TRAF5: variants seen among roughly 807,000 people sequenced by gnomAD.
TRAF5 encodes TNF receptor associated factor 5.
TRAF5 carries 48 observed loss-of-function variants against 64.5 expected under a neutral mutation model. The observed-to-expected ratio is 0.74, with a 90% confidence interval of 0.59 to 0.95. The LOEUF is 0.95. Ranked by LOEUF, TRAF5 falls within the 40% of genes least tolerant of loss-of-function variation. The pLI is 0.00. For missense variants in TRAF5, 545 were observed against 662.8 expected (o/e 0.82, Z 1.95); for synonymous variants, 206 against 240.5 (o/e 0.86, Z 1.33).
At chr1:211,341,138 G>GGTA (rs566076391) in intron 1 of TRAF5, among the ~76,000 whole-genome samples, 248 of 152,308 alleles carry the variant, frequency 1.6e-3, no homozygotes, top group Middle Eastern at 3.4e-3. Flanking sequence ...GGTGGCAGTA[G>GGTA]GTAGCCTTTC....
At chr1:211,363,108 T>C (rs563845016) in intron 7 of TRAF5, among the ~76,000 whole-genome samples, 1 of 152,158 alleles carries the variant, frequency 6.6e-6, no homozygotes, top group Non-Finnish European at 1.5e-5. Flanking sequence ...TCTTATGATA[T>C]CTCACTTTTT....
chr1:211,353,472 C>T lies in TRAF5; in HGVS notation c.218+15C>T, dbSNP rs371845850. Reference sequence around the variant, plus strand: ...CTGTCCCTGAGGTGAGTGGGCAGGGCCTGCAACTCTGGCCATGGCAGTCCT... The same window carrying T: ...CTGTCCCTGAGGTGAGTGGGCAGGGTCTGCAACTCTGGCCATGGCAGTCCT... On this transcript the variant is annotated intron_variant, in intron 2 of 10. Transcript: ENST00000261464. 25 of 1,606,066 alleles carry T rather than the reference C, an allele frequency of 1.6e-5. 1 individual carries two copies. Among genetic ancestry groups the T allele is most frequent in the South Asian group, 7.7e-5 (7 of 90,506 alleles).
At chr1:211,331,408 T>C (rs759067783) in intron 1 of TRAF5, among the ~76,000 whole-genome samples, 1 of 152,202 alleles carries the variant, frequency 6.6e-6, no homozygotes, top group Non-Finnish European at 1.5e-5. Context: ...CCAACTTCCA[T>C]AGTGTCTGTA....
At chr1:211,360,465 A>G (rs1306950483) in intron 5 of TRAF5, 6 of 513,182 alleles carry the variant, frequency 1.2e-5, no homozygotes, top group East Asian at 9.6e-5. Flanking sequence ...TCCCCAATCT[A>G]CCTTCTTTGA....
At chr1:211,352,442 A>C (rs1441756595) in intron 1 of TRAF5, among the ~76,000 whole-genome samples, 1 of 72,646 alleles carries the variant, frequency 1.4e-5, no homozygotes, top group Admixed American at 1.1e-4. Context: ...CACTGTCTCT[A>C]AAAAAAAAAA....
At chr1:211,366,969 GTTTGTTTGTT>G (rs1703374294) in intron 8 of TRAF5, among the ~76,000 whole-genome samples, 1 of 135,876 alleles carries the variant, frequency 7.4e-6, no homozygotes, top group Non-Finnish European at 1.6e-5. Flanking sequence ...TCAGCTAATT[GTTTGTTTGTT>G]TGTTTGTTTG....
chr1:211,356,335 A>C lies in TRAF5; in HGVS notation c.277-32A>C, dbSNP rs375824836. ...AATTCACATTGCTGTAAAACTTTGA[A>C]GTGTGTGAGACCTATTATGTTTATC... On this transcript the variant is annotated intron_variant, in intron 3 of 10. Transcript: ENST00000261464. 2.0e-5 allele frequency: 31 copies of C among 1,572,658 alleles called. No homozygotes were observed. The African/African-American group carries it at 4.2e-4, about 21-fold the overall frequency.
At chr1:211,339,313 G>T (rs1261019745) in intron 1 of TRAF5, among the ~76,000 whole-genome samples, 3 of 152,172 alleles carry the variant, frequency 2.0e-5, no homozygotes, top group Non-Finnish European at 4.4e-5. Flanking sequence ...TCATTATCTT[G>T]AGAAACCAAA....
intron 5 of TRAF5, 124 bp from the exon 6 acceptor site, chr1:211,360,574 TGGAA>T (rs1703142149): frequency 4.6e-6 from 3 of 654,850 alleles, no homozygotes; most frequent in African/African-American, 1.8e-5. Flanking sequence ...AATCCTTTTT[TGGAA>T]TTAGGCAATA....
At chr1:211,365,562 A>G (rs1703325714) in intron 8 of TRAF5, 94 bp downstream of exon 8, 7 of 989,348 alleles carry the variant, frequency 7.1e-6, no homozygotes, top group Non-Finnish European at 1.0e-5. Flanking sequence ...CCCCTGTTTC[A>G]GTATAAGTCA....
Position 211,350,390 on chromosome 1 carries a change from GAACAAAAACAAA to G in TRAF5, c.-1-2827_-1-2816del, listed in dbSNP as rs10536055. 1.9e-3 allele frequency among the ~76,000 whole-genome samples: 284 copies of G among 148,634 alleles called. 3 individuals are homozygous for G. The South Asian group carries it at 0.02, about 10-fold the overall frequency. Reference sequence around the variant, plus strand: ...TGGCATAGAGTGTGGTGTATTAGAAGAACAAAAACAAAAACAAAAACAAAAACAAAAACCCTG... The same window carrying G: ...TGGCATAGAGTGTGGTGTATTAGAAGAACAAAAACAAAAACAAAAACCCTG... On this transcript the variant is annotated intron_variant, in intron 1 of 10. Transcript: ENST00000261464.
chr1:211,359,943 TGC>T lies in TRAF5; in HGVS notation c.411_412del (p.Gln138ValfsTer3), dbSNP rs775379538. 6.2e-7 allele frequency: 1 copy of T among 1,614,048 alleles called. No homozygotes were observed. Among genetic ancestry groups the T allele is most frequent in the Middle Eastern group, 1.7e-4 (1 of 6,058 alleles). On this transcript the variant is annotated frameshift_variant, in exon 5 of 11. Transcript: ENST00000261464. LOFTEE classifies it high-confidence loss of function. ...CTTCAGCAGTGCTTATTTCAACCTG[TGC>T]AGTGTTCTAATGAGAAGTGCCGGGA... is the stretch of plus-strand genomic sequence containing the variant.
rs67207558 is a variant in TRAF5 at position 211,370,378 on chromosome 1, AACACAC to A, written c.930+815_930+820del. Among the ~76,000 whole-genome samples, 1,264 of 147,906 alleles carry A rather than the reference AACACAC, an allele frequency of 8.5e-3. 10 individuals are homozygous for A. Among genetic ancestry groups the A allele is most frequent in the African/African-American group, 0.025 (1,005 of 40,104 alleles). ...TACTTGGCCAGCACATTATACATTAAACACACACACACACACACACACACACACACA... is the reference window on the plus strand; with the variant it reads ...TACTTGGCCAGCACATTATACATTAAACACACACACACACACACACACACA... On this transcript the variant is annotated intron_variant, in intron 9 of 10. Coordinates refer to ENST00000261464, the MANE Select transcript of TRAF5 (RefSeq NM_001033910.3).
intron 1 of TRAF5, among the ~76,000 whole-genome samples, chr1:211,345,807 ATGC>A (rs1203645853): frequency 6.6e-6 from 1 of 152,104 alleles, no homozygotes; most frequent in Non-Finnish European, 1.5e-5. Flanking sequence ...CACTGTTGAG[ATGC>A]TGCCCAGCAC....
At position 211,339,583 on chromosome 1, in the gene TRAF5, A is replaced by G. The variant is rs116652138; in HGVS notation, c.-2+12694A>G. On this transcript the variant is annotated intron_variant, in intron 1 of 10. Transcript: ENST00000261464. ...CCCCAGTTCTACCTACTTCTCTTGG[A>G]CCTCCTCTCTGGGCTCCCTACCTGC... Among the ~76,000 whole-genome samples the G allele has an allele frequency of 8.2e-3, 1,242 of 151,512 alleles. 7 individuals are homozygous for G. The highest frequency in any genetic ancestry group is 0.013 in the Non-Finnish European group (871 of 67,826).
intron 9 of TRAF5, among the ~76,000 whole-genome samples, chr1:211,370,131 CTA>C (rs1311565138): frequency 1.3e-5 from 2 of 151,196 alleles, no homozygotes; most frequent in African/African-American, 4.9e-5. Context: ...ACAAGTGAAA[CTA>C]TTAATTTCCT....
At chr1:211,336,235 A>T (rs1702287375) in intron 1 of TRAF5, among the ~76,000 whole-genome samples, 1 of 152,232 alleles carries the variant, frequency 6.6e-6, no homozygotes, top group Non-Finnish European at 1.5e-5. Flanking sequence ...TGTTGATTGC[A>T]TTGAATTATT....
intron 2 of TRAF5, among the ~76,000 whole-genome samples, chr1:211,354,048 T>C (rs1251081810): frequency 6.6e-6 from 1 of 152,226 alleles, no homozygotes; most frequent in Non-Finnish European, 1.5e-5. Flanking sequence ...GTGTGTTCTG[T>C]GCTGTCATGC....
intron 6 of TRAF5, 24 bp from the exon 7 acceptor site, chr1:211,361,064 A>G: frequency 6.2e-7 from 1 of 1,610,778 alleles, no homozygotes; most frequent in African/African-American, 1.3e-5. Flanking sequence ...GAATTTCTAT[A>G]GCTTGTGACT....
Sources: gnomAD v4.1 joint callset for allele counts (sites outside exome capture counted in the v4.1 genomes callset) on GRCh38, gnomAD v4.1.1 for gene constraint, MANE v1.5 for transcripts, NCBI Gene and HGNC (gene_info 2026-07-23, HGNC 2026-07-21) for gene names.